The following OSBPL11 variants were observed in gnomAD, a reference collection of about 807,000 sequenced individuals.
OSBPL11 encodes the protein oxysterol binding protein like 11, also known as oxysterol-binding protein-related protein 11.
In OSBPL11, 33 loss-of-function variants were observed where a neutral mutation model predicts 84.4. The observed-to-expected ratio is 0.39, with a 90% CI of 0.30 to 0.52. The LOEUF (loss-of-function observed/expected upper bound fraction) is 0.52, where lower values mean the gene tolerates loss of function less well. OSBPL11 is among the 20% of genes least tolerant of loss of function. The pLI is 0.72. For missense variants in OSBPL11, 736 were observed against 901.1 expected (o/e 0.82, Z 2.35); for synonymous variants, 276 against 310.2 (o/e 0.89, Z 1.16).
rs771232443 is a variant in OSBPL11 at position 125,594,714 on chromosome 3, G to C, written c.87C>G (p.Asn29Lys). 2.5e-6 allele frequency: 4 copies of C among 1,614,046 alleles called. No individual in the cohort carries two copies. The African/African-American group carries it at 5.3e-5, about 22-fold the overall frequency. ...TTCCACCTCCACAGCTGCTGTTCTTGTTCGGGGTCACCGCTGTGGCCTGGC... is the reference window on the plus strand; with the variant it reads ...TTCCACCTCCACAGCTGCTGTTCTTCTTCGGGGTCACCGCTGTGGCCTGGC... ...LEGQATAVTP[N>K]KNSSCGGGIS... The change falls in exon 1 of 13, where the codon AAC (asparagine) becomes AAG (lysine). Residue 29 changes from asparagine (N) to lysine (K), a missense_variant. Around this residue, in one of 3 missense-constraint regions of OSBPL11, gnomAD observed 114 missense variants for 104.9 expected, o/e 1.09. Coordinates refer to ENST00000296220, the MANE Select transcript of OSBPL11 (RefSeq NM_022776.5).
chr3:125,570,393 TG>T (rs1432760311), intron 5 of OSBPL11, among the ~76,000 whole-genome samples: 3 of 150,892 alleles, frequency 2.0e-5, no homozygotes, highest in African/African-American at 7.3e-5. Context: ...GGTGTGTGCC[TG>T]TAATCCCAGC....
chr3:125,578,970 G>T lies in OSBPL11; in HGVS notation c.479C>A (p.Ala160Asp). Residue 160 changes from alanine (A) to aspartate (D), a missense_variant, in exon 4 of 13, where the codon GCT becomes GAT. Physicochemically the swap from Ala to Asp is moderately radical, Grantham distance 126 (BLOSUM62 -2). Coordinates refer to ENST00000296220, the MANE Select transcript of OSBPL11 (RefSeq NM_022776.5). ...LQICTQHHTE[A>D]IGKNNPPLKS... ...TATAAATCTACATACCTTTCCAATA[G>T]CTTCAGTATGATGCTGTGTACATAT... is the stretch of plus-strand genomic sequence containing the variant. The T allele has an allele frequency of 6.4e-7, 1 of 1,560,182 alleles. No individual in the cohort carries two copies. Among genetic ancestry groups the T allele is most frequent in the South Asian group, 1.2e-5 (1 of 81,906 alleles).
In OSBPL11 at chr3:125,554,873, TATA is replaced by T. The variant is rs755603647; in HGVS notation, c.1156-2197_1156-2195del. On this transcript the variant is annotated intron_variant, in intron 8 of 12. Coordinates refer to ENST00000296220, the MANE Select transcript of OSBPL11 (RefSeq NM_022776.5). ...ACCAGACCAGGAAGTTCAATGGCCATATAATAAGGATTTCAGAGAAAACAAACA... is the reference window on the plus strand; with the variant it reads ...ACCAGACCAGGAAGTTCAATGGCCATATAAGGATTTCAGAGAAAACAAACA... Among the ~76,000 whole-genome samples the T allele has an allele frequency of 6.6e-4, 100 of 151,962 alleles. 1 individual carries two copies. Among genetic ancestry groups the T allele is most frequent in the Non-Finnish European group, 1.3e-3 (88 of 67,986 alleles).
chr3:125,566,418 G>A (rs2107602335), intron 6 of OSBPL11, among the ~76,000 whole-genome samples: 1 of 152,206 alleles, frequency 6.6e-6, no homozygotes, highest in East Asian at 1.9e-4. Flanking sequence ...GCCCTAACCT[G>A]CAACTACAAT....
chr3:125,543,527 AG>A (rs1363999355), intron 10 of OSBPL11, among the ~76,000 whole-genome samples: 2 of 152,330 alleles, frequency 1.3e-5, no homozygotes, highest in East Asian at 3.9e-4. Flanking sequence ...AAGAAGTTAA[AG>A]CTGTGATCAA....
At chr3:125,573,872 CAAAAAA>C (rs35902125) in intron 5 of OSBPL11, among the ~76,000 whole-genome samples, 2,678 of 43,516 alleles carry the variant, frequency 0.062, 42 homozygotes, top group Middle Eastern at 0.18. Context: ...AACTCCGTCT[CAAAAAA>C]AAAAAAAAAA....
intron 5 of OSBPL11, among the ~76,000 whole-genome samples, chr3:125,572,293 T>C (rs1025035636): frequency 6.6e-6 from 1 of 152,224 alleles, no homozygotes; most frequent in Non-Finnish European, 1.5e-5. Context: ...TACAGGCTCA[T>C]AGGCAGAAGG....
chr3:125,593,006 C>T (rs1478373295), intron 1 of OSBPL11, among the ~76,000 whole-genome samples: 1 of 152,164 alleles, frequency 6.6e-6, no homozygotes, highest in Non-Finnish European at 1.5e-5. Flanking sequence ...ACTCATTAGA[C>T]TTCATGAAAA....
intron 11 of OSBPL11, among the ~76,000 whole-genome samples, chr3:125,537,408 C>G (rs1223236754): frequency 6.6e-6 from 1 of 152,056 alleles, no homozygotes; most frequent in Non-Finnish European, 1.5e-5. Context: ...TAAATAATAT[C>G]TCTGTATTGT....
intron 5 of OSBPL11, among the ~76,000 whole-genome samples, chr3:125,574,607 C>A (rs1219596684): frequency 6.7e-6 from 1 of 149,992 alleles, no homozygotes; most frequent in Non-Finnish European, 1.5e-5. Flanking sequence ...ATGAGGTTAT[C>A]AATTAAAAAA....
chr3:125,575,479 G>A (rs1230646925), intron 5 of OSBPL11, among the ~76,000 whole-genome samples: 1 of 151,632 alleles, frequency 6.6e-6, no homozygotes, highest in African/African-American at 2.4e-5. Context: ...TCCTGTCTCA[G>A]CCTCCCAAAG....
chr3:125,583,228 G>A, intron 1 of OSBPL11, among the ~76,000 whole-genome samples: 1 of 151,968 alleles, frequency 6.6e-6, no homozygotes, highest in South Asian at 2.1e-4. Flanking sequence ...TATTCCAAAT[G>A]TAAAATCATT....
At chr3:125,540,585 A>G (rs1046095684) in intron 10 of OSBPL11, among the ~76,000 whole-genome samples, 1 of 152,116 alleles carries the variant, frequency 6.6e-6, no homozygotes, top group African/African-American at 2.4e-5. Context: ...ATCTCTATCA[A>G]ACAGGATATG....
At chr3:125,542,077 A>G (rs1043836379) in intron 10 of OSBPL11, among the ~76,000 whole-genome samples, 1 of 152,246 alleles carries the variant, frequency 6.6e-6, no homozygotes, top group African/African-American at 2.4e-5. Flanking sequence ...ATTTTACAGG[A>G]CAAAGGGAAA....
At chr3:125,550,829 TTAAATATTCTATGAATAGCACC>T (rs1023632624) in intron 9 of OSBPL11, among the ~76,000 whole-genome samples, 10 of 152,212 alleles carry the variant, frequency 6.6e-5, no homozygotes, top group African/African-American at 1.4e-4. Context: ...GCATATATTT[TTAAATATTCTATGAATAGCACC>T]TAAATATTCT....
intron 10 of OSBPL11, among the ~76,000 whole-genome samples, chr3:125,542,980 C>A (rs1935755290): frequency 6.6e-6 from 1 of 151,756 alleles, no homozygotes; most frequent in African/African-American, 2.4e-5. Flanking sequence ...TTCTGAAATA[C>A]TTGATAATTC....
chr3:125,542,154 G>A (rs1935737850), intron 10 of OSBPL11, among the ~76,000 whole-genome samples: 1 of 152,186 alleles, frequency 6.6e-6, no homozygotes, highest in African/African-American at 2.4e-5. Flanking sequence ...CTTACATGCA[G>A]CAGCATGTAA....
chr3:125,541,367 TA>T (rs1935726716), intron 10 of OSBPL11, among the ~76,000 whole-genome samples: 1 of 152,190 alleles, frequency 6.6e-6, no homozygotes, highest in Admixed American at 6.5e-5. Flanking sequence ...AAACCTCAAT[TA>T]TATTATCACT....
intron 5 of OSBPL11, among the ~76,000 whole-genome samples, chr3:125,570,571 G>GCACA (rs1936229245): frequency 1.3e-5 from 2 of 152,178 alleles, no homozygotes; most frequent in African/African-American, 2.4e-5. Context: ...GAATTTCTGT[G>GCACA]TGTTGTGGGA....
Sources: gnomAD v4.1 joint callset for allele counts (sites outside exome capture counted in the v4.1 genomes callset) on GRCh38, gnomAD v4.1.1 for gene constraint, gnomAD v4.1.1 regional missense constraint, MANE v1.5 for transcripts, NCBI Gene and HGNC (gene_info 2026-07-23, HGNC 2026-07-21) for gene names.